Variants in COL22A1 observed in about 807,000 individuals in gnomAD.
The protein encoded by COL22A1 is collagen alpha-1(XXII) chain.
A neutral mutation model predicts 248.9 loss-of-function variants in COL22A1; 221 were observed. That is an observed-to-expected ratio of 0.89 (90% CI 0.80 to 0.99). COL22A1 has a LOEUF of 0.99. COL22A1 is among the 50% of genes least tolerant of loss of function. The pLI, the probability that COL22A1 is intolerant of heterozygous loss-of-function variation, is 0.00. For synonymous variants in COL22A1, 891 were observed against 793.4 expected (o/e 1.12, Z -2.07); for missense variants, 2,240 against 2,179.0 (o/e 1.03, Z -0.56).
At chr8:138,702,988 T>C (rs1828092230) in intron 31 of COL22A1, among the ~76,000 whole-genome samples, 1 of 152,208 alleles carries the variant, frequency 6.6e-6, no homozygotes, top group Non-Finnish European at 1.5e-5. Flanking sequence ...GTCATGGTAG[T>C]GCAGTCTTAC....
intron 23 of COL22A1, among the ~76,000 whole-genome samples, chr8:138,733,929 C>T (rs1161210760): frequency 6.6e-6 from 1 of 152,156 alleles, no homozygotes; most frequent in East Asian, 1.9e-4. Flanking sequence ...GACACTACCT[C>T]TCTGCCCTAA....
At chr8:138,838,558 T>C (rs944365940) in intron 4 of COL22A1, among the ~76,000 whole-genome samples, 1 of 152,034 alleles carries the variant, frequency 6.6e-6, no homozygotes, top group Non-Finnish European at 1.5e-5. Flanking sequence ...AAAGCAAGCC[T>C]ATGCTCTACT....
chr8:138,844,065 G>C lies in COL22A1; in HGVS notation c.733+19C>G. 6.2e-7 allele frequency: 1 copy of C among 1,608,714 alleles called. No homozygotes were observed. Among genetic ancestry groups the C allele is most frequent in the Non-Finnish European group, 8.5e-7 (1 of 1,174,984 alleles). On this transcript the variant is annotated intron_variant, in intron 4 of 64. Transcript: ENST00000303045. ...TCATACACCAAAGCAAGCACACGTG[G>C]TTATTGTTTTTCCCTTACCTGTGAT...
intron 30 of COL22A1, among the ~76,000 whole-genome samples, chr8:138,705,256 C>T (rs1287469984): frequency 7.9e-5 from 12 of 152,106 alleles, no homozygotes; most frequent in Admixed American, 6.6e-5. Flanking sequence ...GGCAGGCCAA[C>T]GTTCAAATTC....
At chr8:138,655,792 A>G (rs879230093) in intron 45 of COL22A1, 105 bp downstream of exon 45, 2 of 955,446 alleles carry the variant, frequency 2.1e-6, no homozygotes, top group Non-Finnish European at 3.4e-6. Flanking sequence ...GTTATCGTTA[A>G]TACTACCAAA....
intron 4 of COL22A1, among the ~76,000 whole-genome samples, chr8:138,836,297 A>AGGAAAG (rs530791872): frequency 1.3e-5 from 2 of 152,136 alleles, no homozygotes; most frequent in Admixed American, 6.5e-5. Flanking sequence ...AGAAAAGGAA[A>AGGAAAG]GGAAAGGGAA....
At chr8:138,858,380 TTTTGA>T (rs930481539) in intron 3 of COL22A1, among the ~76,000 whole-genome samples, 2 of 152,134 alleles carry the variant, frequency 1.3e-5, no homozygotes, top group African/African-American at 2.4e-5. Context: ...TTTTGTTTTG[TTTTGA>T]TTTGTTTTGT....
At chr8:138,604,121 G>A (rs1343215484) in intron 59 of COL22A1, among the ~76,000 whole-genome samples, 1 of 152,166 alleles carries the variant, frequency 6.6e-6, no homozygotes, top group Admixed American at 6.5e-5. Flanking sequence ...GGAAAAGAGA[G>A]CCCTTGGAAA....
chr8:138,848,947 G>A (rs113896829), intron 3 of COL22A1, among the ~76,000 whole-genome samples: 3 of 152,090 alleles, frequency 2.0e-5, no homozygotes, highest in South Asian at 4.1e-4. Flanking sequence ...CCATCACCTC[G>A]CAGCGGCCGC....
intron 49 of COL22A1, among the ~76,000 whole-genome samples, chr8:138,630,981 C>A (rs1191680526): frequency 6.6e-6 from 1 of 152,106 alleles, no homozygotes; most frequent in Non-Finnish European, 1.5e-5. Context: ...AAGTGAGCCC[C>A]CACTCAGTTC....
At chr8:138,774,612 G>A (rs1274505826) in intron 16 of COL22A1, among the ~76,000 whole-genome samples, 1 of 151,946 alleles carries the variant, frequency 6.6e-6, no homozygotes, top group Non-Finnish European at 1.5e-5. Context: ...TAGAGACGGG[G>A]TTTCACCGTG....
chr8:138,907,591 C>T (rs1815122126), intron 1 of COL22A1, among the ~76,000 whole-genome samples: 1 of 152,242 alleles, frequency 6.6e-6, no homozygotes, highest in Non-Finnish European at 1.5e-5. Flanking sequence ...TTAATCTGCT[C>T]ACTTACCCAT....
At chr8:138,774,308 G>A (rs1262004183) in intron 16 of COL22A1, among the ~76,000 whole-genome samples, 3 of 151,918 alleles carry the variant, frequency 2.0e-5, no homozygotes, top group Non-Finnish European at 4.4e-5. Flanking sequence ...AGATTCATTT[G>A]CTTTGACCAG....
At chr8:138,667,171 CA>C (rs1257163286) in intron 41 of COL22A1, among the ~76,000 whole-genome samples, 2 of 152,186 alleles carry the variant, frequency 1.3e-5, no homozygotes, top group Non-Finnish European at 2.9e-5. Context: ...ATGTTTTCAA[CA>C]ATTACAACCC....
rs1013929306 is a variant in COL22A1 at position 138,630,686 on chromosome 8, G to A, written c.3663+9C>T. The stretch of plus-strand genomic sequence containing the variant: ...ATTAAAAACAGATCCCATTCCTTGA[G>A]GAACTTACAGGTGACCCTTGGATTC... On this transcript the variant is annotated intron_variant, in intron 50 of 64. Coordinates refer to ENST00000303045, the MANE Select transcript of COL22A1 (RefSeq NM_152888.3). The A allele has an allele frequency of 3.1e-6, 5 of 1,612,780 alleles. No homozygotes were observed. In the Admixed American group the frequency reaches 8.3e-5, roughly 27 times the overall value.
intron 7 of COL22A1, among the ~76,000 whole-genome samples, chr8:138,814,589 A>G (rs150737305): frequency 3.5e-4 from 54 of 152,280 alleles, no homozygotes; most frequent in Non-Finnish European, 7.2e-4. Flanking sequence ...ACAGCTCACA[A>G]GAAGATTCCA....
At chr8:138,591,817 C>A (rs956883500) in intron 63 of COL22A1, among the ~76,000 whole-genome samples, 20 of 152,158 alleles carry the variant, frequency 1.3e-4, no homozygotes, top group Non-Finnish European at 2.8e-4. Flanking sequence ...TCCATACAGA[C>A]ATATATATAT....
At chr8:138,778,135 C>T in intron 15 of COL22A1, 1 of 622,304 alleles carries the variant, frequency 1.6e-6, no homozygotes, top group South Asian at 1.9e-5. Flanking sequence ...AGAAAGGGGT[C>T]CCAGGAATAT....
chr8:138,809,423 T>C (rs550327017), intron 9 of COL22A1, among the ~76,000 whole-genome samples: 1 of 152,302 alleles, frequency 6.6e-6, no homozygotes, highest in East Asian at 1.9e-4. Context: ...ATTAAGTCAT[T>C]ATTGAATCAT....
Sources: gnomAD v4.1 joint callset for allele counts (sites outside exome capture counted in the v4.1 genomes callset) on GRCh38, gnomAD v4.1.1 for gene constraint, MANE v1.5 for transcripts, NCBI Gene and HGNC (gene_info 2026-07-23, HGNC 2026-07-21) for gene names.